The following NSMAF variants were observed in gnomAD, a reference collection of about 807,000 sequenced individuals.
NSMAF encodes the protein neutral sphingomyelinase activation associated factor.
Under a neutral mutation model 134.9 loss-of-function variants are expected in NSMAF, and 90 were observed. The observed-to-expected ratio is 0.67, with a 90% CI of 0.56 to 0.79. The LOEUF (loss-of-function observed/expected upper bound fraction) is 0.79. NSMAF is among the 30% of genes least tolerant of loss of function. The pLI, the probability that NSMAF is intolerant of heterozygous loss-of-function variation, is 0.00. For missense variants in NSMAF, 1,010 were observed against 1,119.0 expected (o/e 0.90, Z 1.39); for synonymous variants, 358 against 389.6 (o/e 0.92, Z 0.96).
intron 1 of NSMAF, among the ~76,000 whole-genome samples, chr8:58,647,034 C>T (rs1807471854): frequency 6.6e-6 from 1 of 152,224 alleles, no homozygotes; most frequent in South Asian, 2.1e-4. Flanking sequence ...TTCCACTCAA[C>T]AATTATTCAA....
intron 6 of NSMAF, among the ~76,000 whole-genome samples, chr8:58,625,019 G>T (rs1054069155): frequency 6.6e-6 from 1 of 152,136 alleles, no homozygotes; most frequent in African/African-American, 2.4e-5. Context: ...CATTATCCCT[G>T]GGTGTATCTG....
chr8:58,649,253 C>G (rs1280280692), intron 1 of NSMAF, among the ~76,000 whole-genome samples: 1 of 152,236 alleles, frequency 6.6e-6, no homozygotes, highest in African/African-American at 2.4e-5. Flanking sequence ...CTGCCCCTTT[C>G]TTTTGGCAGA....
chr8:58,611,900 C>A (rs1056721395), intron 9 of NSMAF, among the ~76,000 whole-genome samples: 2 of 152,126 alleles, frequency 1.3e-5, no homozygotes, highest in Admixed American at 1.3e-4. Flanking sequence ...TGAAAGATAT[C>A]AGTTCATAGA....
chr8:58,594,585 A>C, intron 22 of NSMAF: 1 of 394,898 alleles, frequency 2.5e-6, no homozygotes, highest in Non-Finnish European at 4.6e-6. Context: ...TTCTCCTTCT[A>C]TTCCCCCTCG....
At chr8:58,601,625 CATAG>C (rs1806284050) in intron 14 of NSMAF, 90 bp from the exon 15 acceptor site, 1 of 1,446,268 alleles carries the variant, frequency 6.9e-7, no homozygotes, top group Non-Finnish European at 9.2e-7. Context: ...GAAATCATAA[CATAG>C]ATATACCATA....
chr8:58,637,027 CA>C (rs1381576830), intron 2 of NSMAF, among the ~76,000 whole-genome samples: 25 of 151,726 alleles, frequency 1.6e-4, no homozygotes, highest in African/African-American at 5.8e-4. Context: ...TACACACACA[CA>C]CACACACACA....
At position 58,599,823 on chromosome 8, in the gene NSMAF, G is replaced by A. The variant is rs755937531; in HGVS notation, c.1380C>T (p.Ser460=). The part of the protein sequence containing the change: ...YGDDVSFLVN[S]LKLDLGKRQG... ...GTCTCTTTCCCAAATCCAACTTCAG[G>A]CTATTGACTAGAAAGCTCACATCAT... Residue 460 remains serine (S), a synonymous_variant, in exon 18 of 31, where the codon AGC becomes AGT. Transcript: ENST00000038176. 5.0e-6 allele frequency: 8 copies of A among 1,613,862 alleles called. No individual in the cohort carries two copies. The African/African-American group carries it at 6.7e-5, about 13-fold the overall frequency.
chr8:58,613,716 AT>A (rs1806586591), intron 9 of NSMAF, among the ~76,000 whole-genome samples: 1 of 152,154 alleles, frequency 6.6e-6, no homozygotes, highest in East Asian at 1.9e-4. Flanking sequence ...CATAAATACT[AT>A]TATATTATAA....
At chr8:58,597,955 T>A in intron 19 of NSMAF, 53 bp from the exon 20 acceptor site, 1 of 1,288,650 alleles carries the variant, frequency 7.8e-7, no homozygotes, top group Non-Finnish European at 1.1e-6. Flanking sequence ...CAATGTAATA[T>A]ACACTGTTTA....
At chr8:58,622,367 G>C (rs1456753452) in intron 9 of NSMAF, among the ~76,000 whole-genome samples, 2 of 151,850 alleles carry the variant, frequency 1.3e-5, no homozygotes, top group Non-Finnish European at 2.9e-5. Context: ...CAAGTAGCTG[G>C]AACTTCAGGT....
chr8:58,658,708 G>A (rs1267907915), intron 1 of NSMAF, among the ~76,000 whole-genome samples: 1 of 152,182 alleles, frequency 6.6e-6, no homozygotes, highest in Non-Finnish European at 1.5e-5. Context: ...CGAGCAAGTT[G>A]TTTCTGTCAC....
intron 20 of NSMAF, 129 bp downstream of exon 20, chr8:58,597,731 C>A (rs1050338503): frequency 4.4e-6 from 4 of 909,158 alleles, no homozygotes; most frequent in Non-Finnish European, 5.2e-6. Flanking sequence ...CTCAGTAACA[C>A]AACAGTGAAA....
At chr8:58,628,067 C>A (rs1232014874) in intron 6 of NSMAF, among the ~76,000 whole-genome samples, 1 of 152,036 alleles carries the variant, frequency 6.6e-6, no homozygotes, top group South Asian at 2.1e-4. Context: ...AACAGACAAC[C>A]CAGAAATAAA....
chr8:58,589,028 A>T lies in NSMAF; in HGVS notation c.2211+424T>A, dbSNP rs191477320. Among the ~76,000 whole-genome samples the T allele has an allele frequency of 4.6e-4, 70 of 151,548 alleles. No individual in the cohort carries two copies. The East Asian group carries it at 0.013, about 29-fold the overall frequency. ...GGTAACAGAGCAAGACACTGTCTCT[A>T]AAAAAAATAAGTAAATAAGGAAGTG... On this transcript the variant is annotated intron_variant, in intron 26 of 30. Transcript: ENST00000038176.
chr8:58,618,247 A>C (rs1806708341), intron 9 of NSMAF, among the ~76,000 whole-genome samples: 1 of 152,158 alleles, frequency 6.6e-6, no homozygotes, highest in Non-Finnish European at 1.5e-5. Flanking sequence ...CCAACATGGC[A>C]CATGTATACC....
At chr8:58,624,611 T>C (rs1329202480) in intron 6 of NSMAF, among the ~76,000 whole-genome samples, 4 of 152,204 alleles carry the variant, frequency 2.6e-5, no homozygotes, top group African/African-American at 9.7e-5. Context: ...TGGAAAAATA[T>C]ACACAATATT....
intron 9 of NSMAF, among the ~76,000 whole-genome samples, chr8:58,618,934 T>C (rs926979809): frequency 6.6e-6 from 1 of 152,162 alleles, no homozygotes; most frequent in East Asian, 1.9e-4. Context: ...CCAAATTCTT[T>C]AGCCTAACAT....
chr8:58,590,853 T>G lies in NSMAF; in HGVS notation c.2019+14A>C. ...ACACGGATTTCTATCATAATACTAT[T>G]AAAATGAACTCACCATATTTGAAAA... On this transcript the variant is annotated intron_variant, in intron 24 of 30. Coordinates refer to ENST00000038176, the MANE Select transcript of NSMAF (RefSeq NM_003580.4). 1 of 1,551,310 alleles carries G rather than the reference T, an allele frequency of 6.4e-7. No homozygotes were observed. The highest frequency in any genetic ancestry group is 1.4e-5 in the African/African-American group (1 of 73,920).
At chr8:58,650,876 T>G (rs1301445012) in intron 1 of NSMAF, among the ~76,000 whole-genome samples, 1 of 152,196 alleles carries the variant, frequency 6.6e-6, no homozygotes, top group Non-Finnish European at 1.5e-5. Flanking sequence ...TCAGCCAGTA[T>G]CTCTATTGCC....
Sources: allele counts gnomAD v4.1 joint callset (sites outside exome capture counted in the v4.1 genomes callset), GRCh38; gene constraint gnomAD v4.1.1; transcripts MANE v1.5; gene names NCBI Gene and HGNC (gene_info 2026-07-23, HGNC 2026-07-21).